The following CCKBR variants were observed in gnomAD, a reference collection of about 807,000 sequenced individuals.
CCKBR encodes the protein cholecystokinin B receptor, also known as gastrin/cholecystokinin type B receptor.
A neutral mutation model predicts 34.6 loss-of-function variants in CCKBR; 33 were observed. The ratio of observed to expected loss-of-function variants is 0.95; its 90% CI spans 0.72 to 1.27. CCKBR has a LOEUF of 1.27. Among genes scored for constraint, CCKBR ranks in the 50% most tolerant of loss-of-function variants. CCKBR has a pLI of 0.00. For missense variants in CCKBR, 652 were observed against 617.4 expected, an observed-to-expected ratio of 1.06 and a Z score of -0.59; for synonymous variants, 269 against 267.5, an observed-to-expected ratio of 1.01 and a Z score of -0.06.
In CCKBR at chr11:6,271,122, C is replaced by T. The variant is rs1181500642; in HGVS notation, c.923C>T (p.Ala308Val). 2 of 1,613,984 alleles carry T rather than the reference C, an allele frequency of 1.2e-6. No homozygotes were observed. The highest frequency in any genetic ancestry group is 1.7e-6 in the Non-Finnish European group (2 of 1,179,954). The part of the protein sequence containing the change: ...PRSRPALELT[A>V]LTAPGPGSGS... ...TCCCGGCCTGCCCTGGAGCTGACGG[C>T]GCTGACGGCTCCTGGGCCGGGATCC... The change falls in exon 5 of 5, where the codon GCG becomes GTG. Residue 308 changes from alanine (A) to valine (V), a missense_variant. Ala to Val is a moderately conservative substitution (Grantham distance 64). Coordinates refer to ENST00000334619, the MANE Select transcript of CCKBR (RefSeq NM_176875.4).
chr11:6,261,990 G>T (rs1168512187), intron 1 of CCKBR, among the ~76,000 whole-genome samples: 1 of 152,244 alleles, frequency 6.6e-6, no homozygotes, highest in Non-Finnish European at 1.5e-5. Flanking sequence ...GAGGATGGAA[G>T]AGGTCAAGGG....
chr11:6,261,498 C>CACAT (rs1332520035), intron 1 of CCKBR, among the ~76,000 whole-genome samples: 10 of 139,334 alleles, frequency 7.2e-5, no homozygotes, highest in Non-Finnish European at 1.4e-4. Flanking sequence ...CACACACACA[C>CACAT]ATATACATAT....
chr11:6,265,625 G>A (rs1848198510), intron 1 of CCKBR, among the ~76,000 whole-genome samples: 1 of 152,166 alleles, frequency 6.6e-6, no homozygotes, highest in Non-Finnish European at 1.5e-5. Context: ...TCTTTTCTGA[G>A]TCCAAGGACC....
At chr11:6,264,617 T>C in intron 1 of CCKBR, 1 of 690,908 alleles carries the variant, frequency 1.4e-6, no homozygotes, top group Admixed American at 2.1e-5. Context: ...AAGGCACTTG[T>C]GGATGTACCC....
chr11:6,261,454 A>AAAAAAAAATATATAT (rs1447691939), intron 1 of CCKBR, among the ~76,000 whole-genome samples: 1 of 60,894 alleles, frequency 1.6e-5, no homozygotes, highest in Non-Finnish European at 3.0e-5. Flanking sequence ...AAAAAAAAAA[A>AAAAAAAAATATATAT]ATATATATAC....
rs151125264 is a variant in CCKBR, at chr11:6,269,068, G to C, written c.152-601G>C. 2.2e-4 allele frequency among the ~76,000 whole-genome samples: 34 copies of C among 152,086 alleles called. No individual in the cohort carries two copies. In the East Asian group the frequency reaches 3.9e-3, roughly 17 times the overall value. ...GCTTAAATGCCTGCTGTACAGGGAG[G>C]GGGTGGGAGAGAAAGAAGTCCCTTC... On this transcript the variant is annotated intron_variant, in intron 1 of 4. Transcript: ENST00000334619.
rs200790455 is a variant in CCKBR at position 6,269,723 on chromosome 11, T to C, written c.206T>C (p.Val69Ala). The part of the protein sequence containing the change: ...TLYAVIFLMS[V>A]GGNMLIIVVL... ...TACGCAGTGATCTTCCTGATGAGCG[T>C]TGGAGGAAATATGCTCATCATCGTG... The change falls in exon 2 of 5, where the codon GTT becomes GCT. Residue 69 changes from valine to alanine, a missense_variant. Physicochemically the swap from Val to Ala is moderately conservative, Grantham distance 64 (BLOSUM62 0). Coordinates refer to ENST00000334619, the MANE Select transcript of CCKBR (RefSeq NM_176875.4). 1.2e-6 allele frequency: 2 copies of C among 1,614,082 alleles called. No homozygotes were observed. Among genetic ancestry groups the C allele is most frequent in the South Asian group, 1.1e-5 (1 of 91,070 alleles).
Position 6,269,722 on chromosome 11 carries a change from G to C in CCKBR, c.205G>C (p.Val69Leu). Reference protein sequence around the residue: ...TLYAVIFLMSVGGNMLIIVVL... With the variant: ...TLYAVIFLMSLGGNMLIIVVL... The stretch of plus-strand genomic sequence containing the variant: ...TTACGCAGTGATCTTCCTGATGAGC[G>C]TTGGAGGAAATATGCTCATCATCGT... The change falls in exon 2 of 5, where the codon GTT becomes CTT. Residue 69 changes from valine (V) to leucine (L), a missense_variant. Coordinates refer to ENST00000334619, the MANE Select transcript of CCKBR (RefSeq NM_176875.4). 1 of 1,614,064 alleles carries C rather than the reference G, an allele frequency of 6.2e-7. No individual in the cohort carries two copies. Among genetic ancestry groups the C allele is most frequent in the Non-Finnish European group, 8.5e-7 (1 of 1,179,966 alleles).
intron 1 of CCKBR, among the ~76,000 whole-genome samples, 161 bp downstream of exon 1, chr11:6,260,240 C>T (rs965755390): frequency 2.6e-5 from 4 of 151,956 alleles, no homozygotes; most frequent in African/African-American, 9.7e-5. Context: ...ACACCTTCAC[C>T]CCCACAGCCT....
In CCKBR at chr11:6,270,702, C is replaced by T; in HGVS notation, c.710C>T (p.Ala237Val). ...FFIPGVVMAV[A>V]YGLISRELYL... is the part of the protein sequence containing the mutation. Reference sequence around the variant, plus strand: ...ATCCCGGGTGTGGTTATGGCCGTGGCCTACGGGCTTATCTCTCGCGAGCTC... The same window carrying T: ...ATCCCGGGTGTGGTTATGGCCGTGGTCTACGGGCTTATCTCTCGCGAGCTC... Residue 237 changes from alanine to valine, a missense_variant, in exon 4 of 5, where the codon GCC (alanine) becomes GTC (valine). Physicochemically the swap from Ala to Val is moderately conservative, Grantham distance 64. Coordinates refer to ENST00000334619, the MANE Select transcript of CCKBR (RefSeq NM_176875.4). 6.2e-7 allele frequency: 1 copy of T among 1,614,080 alleles called. No homozygotes were observed. The highest frequency in any genetic ancestry group is 8.5e-7 in the Non-Finnish European group (1 of 1,179,946).
Position 6,261,468 on chromosome 11 carries a change from C to T in CCKBR, c.151+1389C>T, listed in dbSNP as rs374092586. 6.3e-3 allele frequency among the ~76,000 whole-genome samples: 525 copies of T among 83,348 alleles called. 8 individuals carry two copies. Among genetic ancestry groups the T allele is most frequent in the Middle Eastern group, 0.017 (2 of 116 alleles). 54.7% of individuals were successfully genotyped at this position (83,348 alleles called of 152,430 possible). ...AAAAAAAAAAAAATATATATACACA[C>T]ACACACACACACACACACACACACA... On this transcript the variant is annotated intron_variant, in intron 1 of 4. Coordinates refer to ENST00000334619, the MANE Select transcript of CCKBR (RefSeq NM_176875.4).
rs1454524930 is a variant in CCKBR, at chr11:6,270,648, C to T, written c.656C>T (p.Ser219Phe). The T allele has an allele frequency of 1.2e-6, 2 of 1,605,028 alleles. No homozygotes were observed. The highest frequency in any genetic ancestry group is 8.5e-7 in the Non-Finnish European group (1 of 1,173,544). The change falls in exon 4 of 5, where the codon TCC (serine) becomes TTC (phenylalanine). Residue 219 changes from serine to phenylalanine, a missense_variant and splice_region_variant. Ser to Phe is a radical substitution (Grantham distance 155). Transcript: ENST00000334619. Reference protein sequence around the residue: ...WPSARVRQTWSVLLLLLLFFI... With the variant: ...WPSARVRQTWFVLLLLLLFFI... Reference sequence around the variant, plus strand: ...TGATCTGTCTGTGTTGCCTTCAGGTCCGTACTGCTGCTTCTGCTCTTGTTC... The same window carrying T: ...TGATCTGTCTGTGTTGCCTTCAGGTTCGTACTGCTGCTTCTGCTCTTGTTC...
intron 1 of CCKBR, among the ~76,000 whole-genome samples, chr11:6,261,462 T>TATATACACACACAC (rs764173521): frequency 1.3e-3 from 86 of 64,006 alleles, no homozygotes; most frequent in African/African-American, 4.1e-3. Flanking sequence ...AAAATATATA[T>TATATACACACACAC]ACACACACAC....
chr11:6,264,339 C>T (rs896960777), intron 1 of CCKBR: 5 of 566,384 alleles, frequency 8.8e-6, no homozygotes, highest in African/African-American at 3.8e-5. Flanking sequence ...ACAGATCAAA[C>T]CTGCCAGTAG....
intron 3 of CCKBR, 124 bp from the exon 4 acceptor site, chr11:6,270,522 C>T: frequency 7.3e-6 from 10 of 1,371,932 alleles, no homozygotes; most frequent in South Asian, 1.4e-5. Context: ...CCAGCGGCAC[C>T]CCCAAATCCT....
chr11:6,264,864 T>C (rs1459474188), intron 1 of CCKBR, among the ~76,000 whole-genome samples: 2 of 152,224 alleles, frequency 1.3e-5, no homozygotes, highest in Non-Finnish European at 2.9e-5. Context: ...ACCACACATA[T>C]ACACAGAATT....
chr11:6,263,262 C>T (rs529995417), intron 1 of CCKBR, among the ~76,000 whole-genome samples: 3 of 152,278 alleles, frequency 2.0e-5, no homozygotes, highest in Non-Finnish European at 2.9e-5. Flanking sequence ...TTTGGTGTTA[C>T]CCATCCATCA....
In CCKBR at chr11:6,270,177, T is replaced by C; in HGVS notation, c.493T>C (p.Trp165Arg). ...AICRPLQARVWQTRSHAARVI... is the reference protein window; with the variant it reads ...AICRPLQARVRQTRSHAARVI... ...CTGCCGACCACTGCAGGCACGAGTGTGGCAGACGCGCTCCCACGCGGCTCG... is the reference window on the plus strand; with the variant it reads ...CTGCCGACCACTGCAGGCACGAGTGCGGCAGACGCGCTCCCACGCGGCTCG... Residue 165 changes from tryptophan (W) to arginine (R), a missense_variant, in exon 3 of 5, where the codon TGG (tryptophan) becomes CGG (arginine). By Grantham distance (101) the Trp-to-Arg change is moderately radical (BLOSUM62 -3). Transcript: ENST00000334619. 6.2e-7 allele frequency: 1 copy of C among 1,613,866 alleles called. No homozygotes were observed. Among genetic ancestry groups the C allele is most frequent in the East Asian group, 2.2e-5 (1 of 44,884 alleles).
Position 6,260,007 on chromosome 11 carries a change from C to T in CCKBR, c.79C>T (p.Pro27Ser). ...PGASLCRPGA[P>S]LLNSSSVGNL... ...GGCTTCCCTGTGCCGCCCGGGGGCGCCTCTCCTCAACAGCAGCAGTGTGGG... is the reference window on the plus strand; with the variant it reads ...GGCTTCCCTGTGCCGCCCGGGGGCGTCTCTCCTCAACAGCAGCAGTGTGGG... Residue 27 changes from proline to serine, a missense_variant, in exon 1 of 5, where the codon CCT (proline) becomes TCT (serine). By Grantham distance (74) the Pro-to-Ser change is moderately conservative. Coordinates refer to ENST00000334619, the MANE Select transcript of CCKBR (RefSeq NM_176875.4). 1.3e-6 allele frequency: 2 copies of T among 1,589,484 alleles called. No individual in the cohort carries two copies. The highest frequency in any genetic ancestry group is 1.7e-6 in the Non-Finnish European group (2 of 1,169,718).
Sources: allele counts gnomAD v4.1 joint callset (sites outside exome capture counted in the v4.1 genomes callset), GRCh38; gene constraint gnomAD v4.1.1; transcripts MANE v1.5; gene names NCBI Gene and HGNC (gene_info 2026-07-23, HGNC 2026-07-21).